LRRFIP1: variants seen among roughly 807,000 people sequenced by gnomAD.
LRRFIP1 encodes the protein leucine-rich repeat flightless-interacting protein 1.
In LRRFIP1, 62 loss-of-function variants were observed where a neutral mutation model predicts 104.4. That is an observed-to-expected ratio of 0.59 (90% CI 0.48 to 0.73). LRRFIP1 has a LOEUF of 0.73. Among genes scored for constraint, LRRFIP1 ranks in the 30% least tolerant of loss-of-function variants. The pLI is 0.00. For synonymous variants in LRRFIP1, 300 were observed against 299.0 expected, an observed-to-expected ratio of 1.00 and a Z score of -0.03; for missense variants, 796 against 824.5, an observed-to-expected ratio of 0.97 and a Z score of 0.42.
intron 18 of LRRFIP1, 141 bp downstream of exon 18, chr2:237,758,962 T>C: frequency 1.8e-6 from 1 of 570,768 alleles, no homozygotes; most frequent in Non-Finnish European, 3.0e-6. Context: ...ATATATTGGG[T>C]TAACTGACAG....
intron 3 of LRRFIP1, among the ~76,000 whole-genome samples, chr2:237,716,044 T>A (rs1312399871): frequency 4.6e-5 from 7 of 152,198 alleles, no homozygotes; most frequent in Non-Finnish European, 1.0e-4. Context: ...AAGAAATCTA[T>A]GAAAACAGAA....
chr2:237,691,364 G>T lies in LRRFIP1; in HGVS notation c.97-17180G>T, dbSNP rs1478263281. On this transcript the variant is annotated intron_variant, in intron 1 of 23. Transcript: ENST00000308482. The surrounding 1 kb of genome is among the most constrained non-coding windows in gnomAD (Gnocchi z 5.4). ...GCCCTCCCGGAGGAGACCGGCGCCT[G>T]GCAGGGGGTCGTCGCGGCCGCAGCC... 1.3e-5 allele frequency among the ~76,000 whole-genome samples: 2 copies of T among 152,164 alleles called. No individual in the cohort carries two copies. Among genetic ancestry groups the T allele is most frequent in the Non-Finnish European group, 2.9e-5 (2 of 68,022 alleles).
At chr2:237,741,828 AAAAAAAAAGAAAAAAG>A (rs1234971073) in intron 11 of LRRFIP1, among the ~76,000 whole-genome samples, 2 of 150,736 alleles carry the variant, frequency 1.3e-5, no homozygotes, top group African/African-American at 2.4e-5. Context: ...GCTCCGTCTA[AAAAAAAAAGAAAAAAG>A]AAAAAAAAGA....
At chr2:237,709,261 C>A (rs1408823736) in intron 2 of LRRFIP1, among the ~76,000 whole-genome samples, 4 of 152,188 alleles carry the variant, frequency 2.6e-5, no homozygotes, top group Non-Finnish European at 1.5e-5. Flanking sequence ...CATAAGGGTT[C>A]TTTAACTCAC....
At chr2:237,737,307 C>T (rs1474156579) in intron 10 of LRRFIP1, among the ~76,000 whole-genome samples, 7 of 152,202 alleles carry the variant, frequency 4.6e-5, no homozygotes, top group East Asian at 1.9e-4. Context: ...ATTTGGCCCA[C>T]GTCCTTACTT....
At chr2:237,731,896 A>G (rs1190377335) in intron 8 of LRRFIP1, among the ~76,000 whole-genome samples, 1 of 151,962 alleles carries the variant, frequency 6.6e-6, no homozygotes, top group Non-Finnish European at 1.5e-5. Flanking sequence ...GGGCTCTTGT[A>G]CTCACCCACC....
At chr2:237,694,249 AC>A (rs970532787) in intron 1 of LRRFIP1, among the ~76,000 whole-genome samples, 1 of 152,212 alleles carries the variant, frequency 6.6e-6, no homozygotes, top group African/African-American at 2.4e-5. Context: ...TATGCATCTT[AC>A]TACGTTTCTA....
intron 1 of LRRFIP1, among the ~76,000 whole-genome samples, chr2:237,645,388 G>C (rs79542172): frequency 2.7e-5 from 4 of 148,626 alleles, no homozygotes; most frequent in African/African-American, 9.7e-5. Flanking sequence ...ATGCTGCTGA[G>C]CCCTGGTCTC....
intron 6 of LRRFIP1, 55 bp from the exon 7 acceptor site, chr2:237,723,492 CT>C (rs2094607091): frequency 1.3e-6 from 2 of 1,573,068 alleles, no homozygotes; most frequent in Admixed American, 3.5e-5. Flanking sequence ...TTTAAATTTA[CT>C]TTTGGCAACT....
intron 9 of LRRFIP1, 49 bp downstream of exon 9, chr2:237,733,867 T>C: frequency 6.4e-7 from 1 of 1,567,688 alleles, no homozygotes; most frequent in Non-Finnish European, 8.7e-7. Flanking sequence ...CCACTGTGCA[T>C]GCACCGCCCC....
intron 19 of LRRFIP1, chr2:237,763,324 A>G (rs548946523): frequency 4.3e-6 from 7 of 1,614,190 alleles, no homozygotes; most frequent in Non-Finnish European, 5.9e-6. Context: ...GTCCAAGTAC[A>G]GTAGACACTC....
intron 1 of LRRFIP1, among the ~76,000 whole-genome samples, chr2:237,693,209 G>A (rs2092934306): frequency 6.6e-6 from 1 of 152,218 alleles, no homozygotes; most frequent in African/African-American, 2.4e-5. Flanking sequence ...GGGAATAAAA[G>A]TGAAAGGGTG....
intron 11 of LRRFIP1, among the ~76,000 whole-genome samples, chr2:237,746,585 A>G (rs1172063275): frequency 2.0e-5 from 3 of 152,160 alleles, no homozygotes; most frequent in African/African-American, 7.2e-5. Context: ...GGTGCCTCCA[A>G]GTACACAGTT....
intron 1 of LRRFIP1, among the ~76,000 whole-genome samples, chr2:237,668,021 C>T (rs1229850863): frequency 6.6e-6 from 1 of 152,132 alleles, no homozygotes; most frequent in Non-Finnish European, 1.5e-5. Context: ...TTCTTTTGAA[C>T]TCCACCTGAC....
At chr2:237,764,716 G>A in intron 19 of LRRFIP1, 3 of 986,698 alleles carry the variant, frequency 3.0e-6, no homozygotes, top group Non-Finnish European at 3.6e-6. Context: ...TCATTTTAAG[G>A]ATAACAAGTA....
At chr2:237,651,153 G>A (rs772794411) in intron 1 of LRRFIP1, among the ~76,000 whole-genome samples, 12 of 152,184 alleles carry the variant, frequency 7.9e-5, no homozygotes, top group Non-Finnish European at 1.5e-4. Flanking sequence ...AGGCTAGTAC[G>A]AAGAACACCT....
intron 2 of LRRFIP1, among the ~76,000 whole-genome samples, chr2:237,714,000 T>G (rs2094219714): frequency 6.6e-6 from 1 of 152,256 alleles, no homozygotes; most frequent in Admixed American, 6.5e-5. Context: ...GACTTCTGTA[T>G]TAGAATAATA....
chr2:237,757,404 T>G, intron 16 of LRRFIP1, 52 bp from the exon 17 acceptor site: 1 of 1,291,446 alleles, frequency 7.7e-7, no homozygotes, highest in South Asian at 1.3e-5. Flanking sequence ...CGGGCTGGGG[T>G]TTTTCTTCCT....
intron 1 of LRRFIP1, among the ~76,000 whole-genome samples, chr2:237,657,470 G>C (rs2149437675): frequency 6.6e-6 from 1 of 152,246 alleles, no homozygotes; most frequent in South Asian, 2.1e-4. Flanking sequence ...TGATAAAGAG[G>C]TTCTTGAGAA....
Sources: gnomAD v4.1 joint callset for allele counts (sites outside exome capture counted in the v4.1 genomes callset) on GRCh38, gnomAD v4.1.1 for gene constraint, Gnocchi (gnomAD v3.1) non-coding constraint, MANE v1.5 for transcripts, NCBI Gene and HGNC (gene_info 2026-07-23, HGNC 2026-07-21) for gene names.